The following SERPINB8 variants were observed in gnomAD, a reference collection of about 807,000 sequenced individuals.
The protein encoded by SERPINB8 is serpin family B member 8.
SERPINB8 carries 25 observed loss-of-function variants against 35.3 expected under a neutral mutation model. The observed-to-expected ratio is 0.71, with a 90% CI of 0.52 to 0.99. The LOEUF (loss-of-function observed/expected upper bound fraction) is 0.99, where lower values mean the gene tolerates loss of function less well. SERPINB8 is among the 50% of genes least tolerant of loss of function. The probability of loss-of-function intolerance (pLI) is 0.00; values close to 1 mark genes in which losing one functional copy is unlikely to be tolerated. For synonymous variants in SERPINB8, 186 were observed against 160.8 expected, an observed-to-expected ratio of 1.16 and a Z score of -1.19; for missense variants, 484 against 446.5, an observed-to-expected ratio of 1.08 and a Z score of -0.76.
chr18:64,000,578 G>T (rs2144840829), intron 1 of SERPINB8, among the ~76,000 whole-genome samples: 1 of 152,334 alleles, frequency 6.6e-6, no homozygotes, highest in East Asian at 1.9e-4. Context: ...CCCTGGGCCA[G>T]CCATGCCCTG....
At chr18:63,991,853 T>C (rs770421909), downstream of SERPINB8, among the ~76,000 whole-genome samples, 4 of 152,208 alleles carry the variant, frequency 2.6e-5, no homozygotes, top group Admixed American at 6.5e-5. Context: ...TCGTAGTTTG[T>C]TGTGTTTATA....
At chr18:64,007,088 A>G (rs1414251444), downstream of SERPINB8, among the ~76,000 whole-genome samples, 1 of 152,156 alleles carries the variant, frequency 6.6e-6, no homozygotes, top group Non-Finnish European at 1.5e-5. Context: ...ATTAACTGCA[A>G]TGAAAAAAAT....
chr18:63,994,647 T>C (rs1488207238), intron 1 of SERPINB8, among the ~76,000 whole-genome samples: 1 of 152,106 alleles, frequency 6.6e-6, no homozygotes, highest in Non-Finnish European at 1.5e-5. Context: ...ATCTGGCAGG[T>C]TTGGTACACT....
chr18:63,980,712 T>C (rs980539598), intron 3 of SERPINB8, among the ~76,000 whole-genome samples: 2 of 152,252 alleles, frequency 1.3e-5, no homozygotes, highest in Non-Finnish European at 2.9e-5. Context: ...AACATCAGCC[T>C]GATCTACTAC....
intron 5 of SERPINB8, 151 bp from the exon 6 acceptor site, chr18:63,984,942 C>A: frequency 3.0e-6 from 2 of 669,020 alleles, no homozygotes; most frequent in Non-Finnish European, 4.9e-6. Context: ...CTATTCAATA[C>A]TAAGATGTAC....
At chr18:63,995,137 G>A (rs1309638806) in intron 1 of SERPINB8, among the ~76,000 whole-genome samples, 2 of 152,154 alleles carry the variant, frequency 1.3e-5, no homozygotes, top group East Asian at 3.9e-4. Flanking sequence ...TTTGCATGGT[G>A]ATAGCCCCTA....
chr18:63,995,261 T>C (rs1313839965), intron 1 of SERPINB8, among the ~76,000 whole-genome samples: 1 of 152,134 alleles, frequency 6.6e-6, no homozygotes. Flanking sequence ...TTAACAAGAC[T>C]AGGGGTTAGG....
chr18:63,987,373 C>T lies in SERPINB8; in HGVS notation c.*95C>T. 7.7e-7 allele frequency: 1 copy of T among 1,293,358 alleles called. No homozygotes were observed. Among genetic ancestry groups the T allele is most frequent in the South Asian group, 1.4e-5 (1 of 70,584 alleles). The allele number at this position is 1,293,358 out of a possible 1,614,324, so 80.1% of individuals were successfully genotyped here. On this transcript the variant is annotated 3_prime_UTR_variant, in exon 7 of 7. Coordinates refer to ENST00000397985, the MANE Select transcript of SERPINB8 (RefSeq NM_002640.4). Reference sequence around the variant, plus strand: ...CCTAGTTGGTGCAGTGGCTTGAATGCCAAAATAAAGCGTGTGCACTGGATA... The same window carrying T: ...CCTAGTTGGTGCAGTGGCTTGAATGTCAAAATAAAGCGTGTGCACTGGATA...
intron 7 of SERPINB8, among the ~76,000 whole-genome samples, chr18:64,014,251 G>T (rs577650008): frequency 1.3e-5 from 2 of 152,302 alleles, no homozygotes; most frequent in East Asian, 3.9e-4. Flanking sequence ...GAATGTACCA[G>T]GATAGGTATG....
chr18:64,000,850 A>G (rs183147658), intron 1 of SERPINB8, among the ~76,000 whole-genome samples: 10 of 152,264 alleles, frequency 6.6e-5, no homozygotes, highest in Non-Finnish European at 2.9e-5. Context: ...GTCTTAATGG[A>G]CCACCTCAAC....
chr18:63,978,328 C>T lies in SERPINB8; in HGVS notation c.20C>T (p.Ala7Val). The change falls in exon 2 of 7, where the codon GCA becomes GTA. Residue 7 changes from alanine to valine, a missense_variant. By Grantham distance (64) the Ala-to-Val change is moderately conservative. Coordinates refer to ENST00000397985, the MANE Select transcript of SERPINB8 (RefSeq NM_002640.4). ...TCTCTGATGGATGACCTCTGTGAAG[C>T]AAATGGCACTTTTGCCATCAGCTTA... MDDLCE[A>V]NGTFAISLFK... 6.2e-7 allele frequency: 1 copy of T among 1,614,180 alleles called. No homozygotes were observed. The highest frequency in any genetic ancestry group is 8.5e-7 in the Non-Finnish European group (1 of 1,180,036).
intron 7 of SERPINB8, among the ~76,000 whole-genome samples, chr18:64,013,087 A>AT (rs367620103): frequency 4.0e-5 from 6 of 150,630 alleles, no homozygotes; most frequent in South Asian, 2.1e-4. Context: ...GAAGTTCACA[A>AT]TTTTTTTTTT....
In SERPINB8 at chr18:63,985,109, A is replaced by T; in HGVS notation, c.584A>T (p.Gln195Leu). Residue 195 changes from glutamine (Q) to leucine (L), a missense_variant, in exon 6 of 7, where the codon CAG (glutamine) becomes CTG (leucine). Transcript: ENST00000397985. ...TTCCGTTAGGAAAAAAAGACAGTGC[A>T]GATGATGTTTAAGGAAGCTAAGTTT... Reference protein sequence around the residue: ...FKTNEEKKTVQMMFKEAKFKM... With the variant: ...FKTNEEKKTVLMMFKEAKFKM... 6.2e-7 allele frequency: 1 copy of T among 1,614,238 alleles called. No individual in the cohort carries two copies. The highest frequency in any genetic ancestry group is 8.5e-7 in the Non-Finnish European group (1 of 1,180,020).
intron 1 of SERPINB8, among the ~76,000 whole-genome samples, chr18:63,997,742 G>A (rs776889015): frequency 6.6e-6 from 1 of 152,160 alleles, no homozygotes. Flanking sequence ...TGGCAAAATT[G>A]TGCTGACATG....
intron 5 of SERPINB8, among the ~76,000 whole-genome samples, chr18:63,983,939 C>T (rs1020377176): frequency 3.9e-5 from 6 of 152,148 alleles, no homozygotes; most frequent in African/African-American, 1.4e-4. Flanking sequence ...CTCGACCTCC[C>T]AGGCTCAAAT....
intron 4 of SERPINB8, among the ~76,000 whole-genome samples, chr18:63,982,674 G>C (rs1313693755): frequency 6.6e-6 from 1 of 152,142 alleles, no homozygotes; most frequent in Admixed American, 6.5e-5. Context: ...CATCTGCCTA[G>C]TGGTCTTTCC....
At chr18:63,978,607 G>A in intron 2 of SERPINB8, 131 bp downstream of exon 2, 1 of 987,634 alleles carries the variant, frequency 1.0e-6, no homozygotes, top group Non-Finnish European at 1.5e-6. Flanking sequence ...GCTCGGCAGT[G>A]GAGAAGAGCA....
chr18:63,988,757 C>G lies in SERPINB8; in HGVS notation c.*1479C>G, dbSNP rs2050798743. 1 of 152,178 alleles carries G rather than the reference C, an allele frequency of 6.6e-6. No individual in the cohort carries two copies. Among genetic ancestry groups the G allele is most frequent in the Admixed American group, 6.5e-5 (1 of 15,280 alleles). 9.4% of individuals were successfully genotyped at this position (152,178 alleles called of 1,614,324 possible). On this transcript the variant is annotated 3_prime_UTR_variant, in exon 7 of 7. Transcript: ENST00000397985. ...ACCAAGCCAGGATATATCTGTTAGG[C>G]CACATTCATTTAGGGATCATGTTTT...
intron 7 of SERPINB8, among the ~76,000 whole-genome samples, chr18:64,014,580 T>C (rs2050941086): frequency 6.6e-6 from 1 of 152,192 alleles, no homozygotes; most frequent in African/African-American, 2.4e-5. Context: ...CTCAGTCTTT[T>C]CATGCCAGAC....
Sources: allele counts gnomAD v4.1 joint callset (sites outside exome capture counted in the v4.1 genomes callset), GRCh38; gene constraint gnomAD v4.1.1; transcripts MANE v1.5; gene names NCBI Gene and HGNC (gene_info 2026-07-23, HGNC 2026-07-21).